GRIA3: variants seen among roughly 807,000 people sequenced by gnomAD.
GRIA3 encodes the protein glutamate ionotropic receptor AMPA type subunit 3.
A neutral mutation model predicts 63.0 loss-of-function variants in GRIA3; 3 were observed. The ratio of observed to expected loss-of-function variants is 0.05; its 90% confidence interval spans 0.02 to 0.12. The LOEUF (loss-of-function observed/expected upper bound fraction) is 0.12, where lower values mean the gene tolerates loss of function less well. Ranked by LOEUF, GRIA3 falls within the 10% of genes least tolerant of loss-of-function variation. GRIA3 has a pLI of 1.00. For synonymous variants in GRIA3, 274 were observed against 257.9 expected, an observed-to-expected ratio of 1.06 and a Z score of -0.60; for missense variants, 347 against 700.9, an observed-to-expected ratio of 0.50 and a Z score of 5.70.
chrX:123,383,624 T>A (rs2045337275), intron 5 of GRIA3, among the ~76,000 whole-genome samples: 1 of 112,128 alleles, frequency 8.9e-6, no homozygotes, highest in African/African-American at 3.2e-5. Flanking sequence ...TCATTCTTGT[T>A]TATGGCCAAA....
intron 3 of GRIA3, among the ~76,000 whole-genome samples, chrX:123,265,803 C>T (rs964305589): frequency 8.9e-6 from 1 of 112,443 alleles, no homozygotes; most frequent in African/African-American, 3.2e-5. Flanking sequence ...TCACATGTTT[C>T]CCTTCGTGTT....
At chrX:123,364,359 A>G (rs2045197354) in intron 5 of GRIA3, among the ~76,000 whole-genome samples, 1 of 111,880 alleles carries the variant, frequency 8.9e-6, no homozygotes, top group Non-Finnish European at 1.9e-5. Flanking sequence ...AGCCTATGTA[A>G]TCATTGGGAA....
intron 5 of GRIA3, among the ~76,000 whole-genome samples, chrX:123,360,425 G>A (rs1380256820): frequency 9.5e-6 from 1 of 105,021 alleles, no homozygotes; most frequent in Non-Finnish European, 1.9e-5. Context: ...GCTCATGCAT[G>A]TAATCCTAGC....
intron 12 of GRIA3, among the ~76,000 whole-genome samples, chrX:123,449,682 G>A (rs781743492): frequency 9.3e-4 from 104 of 112,017 alleles, no homozygotes; most frequent in Non-Finnish European, 1.7e-3. Flanking sequence ...GTTCAAAATC[G>A]AGAGCCACAG....
intron 10 of GRIA3, among the ~76,000 whole-genome samples, chrX:123,409,115 C>A (rs764363123): frequency 8.9e-6 from 1 of 112,054 alleles, no homozygotes; most frequent in East Asian, 2.8e-4. Flanking sequence ...CTAATGATTT[C>A]TCTAAGTTCT....
chrX:123,376,390 C>T (rs1437287338), intron 5 of GRIA3, among the ~76,000 whole-genome samples: 5 of 112,311 alleles, frequency 4.5e-5, no homozygotes, highest in East Asian at 5.6e-4. Context: ...TTCTTATTTA[C>T]ACCCTTACAT....
intron 2 of GRIA3, among the ~76,000 whole-genome samples, chrX:123,216,960 A>T (rs1003227598): frequency 3.6e-5 from 4 of 112,019 alleles, no homozygotes; most frequent in African/African-American, 1.3e-4. Flanking sequence ...CCACTGGACA[A>T]CTGCACTTCA....
At chrX:123,389,057 A>C (rs2045369412) in intron 5 of GRIA3, among the ~76,000 whole-genome samples, 1 of 112,374 alleles carries the variant, frequency 8.9e-6, no homozygotes, top group South Asian at 3.7e-4. Context: ...ATTTCTAATT[A>C]AACTCCTTTG....
intron 12 of GRIA3, among the ~76,000 whole-genome samples, chrX:123,462,882 T>C (rs1294225938): frequency 3.6e-5 from 4 of 111,954 alleles, no homozygotes; most frequent in Non-Finnish European, 7.5e-5. Flanking sequence ...AATTTTTTTC[T>C]AGGATTTTCA....
intron 10 of GRIA3, among the ~76,000 whole-genome samples, chrX:123,406,304 C>A (rs1202669746): frequency 8.9e-6 from 1 of 112,179 alleles, no homozygotes. Context: ...AATATCTACA[C>A]TAAGTAAGGG....
intron 2 of GRIA3, among the ~76,000 whole-genome samples, chrX:123,238,980 G>A (rs1313820579): frequency 1.8e-5 from 2 of 110,540 alleles, no homozygotes; most frequent in Non-Finnish European, 3.8e-5. Context: ...TCCAGCATCT[G>A]GCACAGTACT....
chrX:123,469,456 G>A (rs2045851233), intron 13 of GRIA3, among the ~76,000 whole-genome samples: 2 of 111,475 alleles, frequency 1.8e-5, no homozygotes, highest in African/African-American at 3.3e-5. Flanking sequence ...CAGTCTCTGA[G>A]GCAGCCCCTG....
At chrX:123,469,291 T>C (rs2045850543) in intron 13 of GRIA3, among the ~76,000 whole-genome samples, 1 of 112,160 alleles carries the variant, frequency 8.9e-6, no homozygotes, top group Admixed American at 9.5e-5. Flanking sequence ...CATGAGACAT[T>C]ACACATTCTG....
In GRIA3 at chrX:123,232,676, C is replaced by T. The variant is rs1038261278; in HGVS notation, c.269-20627C>T. Among the ~76,000 whole-genome samples the T allele has an allele frequency of 2.7e-5, 3 of 110,512 alleles. No individual in the cohort carries two copies. The East Asian group carries it at 8.5e-4, about 31-fold the overall frequency. ...GCTATGCCTGCACCAAAACATCTCA[C>T]GTACTTTATAAATATATATACCTAC... is the stretch of plus-strand genomic sequence containing the variant. On this transcript the variant is annotated intron_variant, in intron 2 of 15. Coordinates refer to ENST00000620443, the MANE Select transcript of GRIA3 (RefSeq NM_007325.5).
intron 5 of GRIA3, among the ~76,000 whole-genome samples, chrX:123,365,532 T>C (rs1024638031): frequency 2.7e-5 from 3 of 111,697 alleles, no homozygotes; most frequent in Non-Finnish European, 3.8e-5. Flanking sequence ...TAGGGACTCA[T>C]TGCAGTCCTT....
In GRIA3 at chrX:123,423,681, T is replaced by C. The variant is rs186204899; in HGVS notation, c.1878-4260T>C. Among the ~76,000 whole-genome samples the C allele has an allele frequency of 2.6e-3, 288 of 111,533 alleles. 1 individual carries two copies. The highest frequency in any genetic ancestry group is 8.8e-3 in the African/African-American group (272 of 30,756). On this transcript the variant is annotated intron_variant, in intron 11 of 15. Transcript: ENST00000620443. ...TGGAGTATAGAAATGATGCATACTT[T>C]GGAAGAAAGAAGAGAAAAAAAGGAA... is the stretch of plus-strand genomic sequence containing the variant.
At chrX:123,323,364 T>C (rs1217133114) in intron 3 of GRIA3, among the ~76,000 whole-genome samples, 5 of 112,202 alleles carry the variant, frequency 4.5e-5, no homozygotes, top group South Asian at 3.6e-4. Flanking sequence ...TATATATAGA[T>C]TGAGCTGTCT....
chrX:123,241,305 A>G (rs1202158070), intron 2 of GRIA3, among the ~76,000 whole-genome samples: 1 of 111,223 alleles, frequency 9.0e-6, no homozygotes, highest in African/African-American at 3.3e-5. Flanking sequence ...AAAAAGCAAA[A>G]GTCTATATTT....
intron 3 of GRIA3, among the ~76,000 whole-genome samples, chrX:123,312,347 A>C (rs774525387): frequency 3.4e-4 from 38 of 112,265 alleles, no homozygotes; most frequent in African/African-American, 1.2e-3. Context: ...GTTTCCCACT[A>C]TCTCAATCAG....
Sources: allele counts gnomAD v4.1 joint callset (sites outside exome capture counted in the v4.1 genomes callset), GRCh38; gene constraint gnomAD v4.1.1; transcripts MANE v1.5; gene names NCBI Gene and HGNC (gene_info 2026-07-23, HGNC 2026-07-21).